KSR2: variants seen among roughly 807,000 people sequenced by gnomAD.
KSR2 encodes kinase suppressor of ras 2.
A neutral mutation model predicts 107.8 loss-of-function variants in KSR2; 25 were observed. The observed-to-expected ratio is 0.23, with a 90% CI of 0.17 to 0.32. The LOEUF (loss-of-function observed/expected upper bound fraction) is 0.32. Ranked by LOEUF, KSR2 falls within the 10% of genes least tolerant of loss-of-function variation. KSR2 has a pLI of 1.00. For missense variants in KSR2, 887 were observed against 1,268.9 expected, an observed-to-expected ratio of 0.70 and a Z score of 4.57; for synonymous variants, 480 against 507.0, an observed-to-expected ratio of 0.95 and a Z score of 0.71.
chr12:117,729,545 T>C, intron 4 of KSR2, among the ~76,000 whole-genome samples: 1 of 152,086 alleles, frequency 6.6e-6, no homozygotes, highest in East Asian at 1.9e-4. Context: ...CACAGTGTCA[T>C]TCACCTCCGT....
chr12:117,501,218 T>C (rs1450372327), intron 14 of KSR2, among the ~76,000 whole-genome samples: 1 of 152,254 alleles, frequency 6.6e-6, no homozygotes. Flanking sequence ...AGCCATACTT[T>C]TTGTCTGCAA....
chr12:117,537,064 T>C (rs1264811984), intron 10 of KSR2, among the ~76,000 whole-genome samples: 1 of 152,080 alleles, frequency 6.6e-6, no homozygotes, highest in Non-Finnish European at 1.5e-5. Context: ...AATACAAATA[T>C]TAGCTGAGTG....
chr12:117,722,607 G>A (rs1565979462), intron 4 of KSR2, among the ~76,000 whole-genome samples: 1 of 152,118 alleles, frequency 6.6e-6, no homozygotes, highest in African/African-American at 2.4e-5. Flanking sequence ...TACCCTATAT[G>A]GTCTAAAAAG....
At chr12:117,960,795 TC>T (rs1169366741) in intron 1 of KSR2, among the ~76,000 whole-genome samples, 3 of 148,190 alleles carry the variant, frequency 2.0e-5, no homozygotes, top group Non-Finnish European at 4.4e-5. Context: ...ATTTTCTTTT[TC>T]CTTTTTTTTT....
intron 4 of KSR2, among the ~76,000 whole-genome samples, chr12:117,729,601 C>T (rs1246635603): frequency 6.6e-6 from 1 of 152,110 alleles, no homozygotes; most frequent in Non-Finnish European, 1.5e-5. Flanking sequence ...ACGTTCACTC[C>T]GTAATGGGGA....
At chr12:117,708,797 C>T (rs1424583563) in intron 4 of KSR2, among the ~76,000 whole-genome samples, 1 of 152,184 alleles carries the variant, frequency 6.6e-6, no homozygotes, top group Non-Finnish European at 1.5e-5. Context: ...TGCATCATAG[C>T]TCGCGTTTTC....
At chr12:117,944,181 A>C (rs948126327) in intron 1 of KSR2, among the ~76,000 whole-genome samples, 1 of 152,042 alleles carries the variant, frequency 6.6e-6, no homozygotes, top group Non-Finnish European at 1.5e-5. Flanking sequence ...GTTTGAGACC[A>C]GCCTGACCAA....
In KSR2 at chr12:117,620,768, ATTC is replaced by A. The variant is rs772394934; in HGVS notation, c.1172-38412_1172-38410del. On this transcript the variant is annotated intron_variant, in intron 5 of 19. Coordinates refer to ENST00000339824, the MANE Select transcript of KSR2 (RefSeq NM_173598.6). ...AATAACCAATGTGTGGGTATTTATC[ATTC>A]TTCTTTTTTTCTGATTACGCCATTC... Among the ~76,000 whole-genome samples the A allele has an allele frequency of 3.1e-4, 47 of 152,232 alleles. 1 individual carries two copies. The highest frequency in any genetic ancestry group is 3.4e-3 in the Middle Eastern group (1 of 294).
intron 7 of KSR2, among the ~76,000 whole-genome samples, chr12:117,576,270 C>T (rs1879278936): frequency 6.6e-6 from 1 of 152,078 alleles, no homozygotes; most frequent in Admixed American, 6.6e-5. Context: ...GCCATTACCC[C>T]CACGGAATGT....
chr12:117,610,922 A>T (rs1013063194), intron 5 of KSR2, among the ~76,000 whole-genome samples: 1 of 152,152 alleles, frequency 6.6e-6, no homozygotes, highest in African/African-American at 2.4e-5. Flanking sequence ...CTCTAGTGAA[A>T]CTACTTCTGC....
chr12:117,571,680 C>T (rs999787255), intron 7 of KSR2, among the ~76,000 whole-genome samples: 3 of 152,106 alleles, frequency 2.0e-5, no homozygotes, highest in Non-Finnish European at 2.9e-5. Context: ...GAGGAGTGAG[C>T]GCTCCTTGGT....
intron 1 of KSR2, among the ~76,000 whole-genome samples, chr12:117,888,597 C>T (rs1168377686): frequency 6.6e-6 from 1 of 152,050 alleles, no homozygotes; most frequent in African/African-American, 2.4e-5. Context: ...AGGAAGAAAC[C>T]AGAACTTTCT....
In KSR2 at chr12:117,497,483, C is replaced by G. The variant is rs541383925; in HGVS notation, c.2220-11792G>C. Among the ~76,000 whole-genome samples the G allele has an allele frequency of 7.9e-5, 12 of 152,242 alleles. No individual in the cohort carries two copies. In the East Asian group the frequency reaches 2.1e-3, roughly 27 times the overall value. On this transcript the variant is annotated intron_variant, in intron 14 of 19. Coordinates refer to ENST00000339824, the MANE Select transcript of KSR2 (RefSeq NM_173598.6). ...TAATACTCCTTATCAAATCCCTCCA[C>G]GCAGGGCAGCATCATCATCCTGTTT...
chr12:117,832,170 G>C (rs939083204), intron 3 of KSR2, among the ~76,000 whole-genome samples: 34 of 152,278 alleles, frequency 2.2e-4, no homozygotes, highest in Middle Eastern at 3.4e-3. Context: ...TGTAATCCTA[G>C]CTACTGGGGA....
chr12:117,490,619 C>T (rs1872696292), intron 14 of KSR2, among the ~76,000 whole-genome samples: 2 of 152,190 alleles, frequency 1.3e-5, no homozygotes, highest in South Asian at 4.1e-4. Context: ...TGGTCTCAAA[C>T]TCCTGGGCTA....
At chr12:117,889,923 G>A (rs1438380331) in intron 1 of KSR2, among the ~76,000 whole-genome samples, 1 of 152,154 alleles carries the variant, frequency 6.6e-6, no homozygotes, top group Non-Finnish European at 1.5e-5. Flanking sequence ...TATCAGTAGT[G>A]CCAAGGTTGA....
At chr12:117,469,352 C>T (rs1269749082) in intron 19 of KSR2, among the ~76,000 whole-genome samples, 1 of 152,078 alleles carries the variant, frequency 6.6e-6, no homozygotes, top group Non-Finnish European at 1.5e-5. Flanking sequence ...GGGGGCTTGG[C>T]AGGTTCAGAC....
intron 1 of KSR2, among the ~76,000 whole-genome samples, chr12:117,952,984 CAAA>C (rs33941668): frequency 3.0e-5 from 3 of 100,820 alleles, no homozygotes; most frequent in Admixed American, 1.2e-4. Flanking sequence ...GACTCCATCT[CAAA>C]AAAAAAAAAA....
chr12:117,742,571 A>G (rs1888263573), intron 4 of KSR2, among the ~76,000 whole-genome samples: 1 of 139,526 alleles, frequency 7.2e-6, no homozygotes, highest in African/African-American at 2.5e-5. Flanking sequence ...CAGAGAGATG[A>G]ACAGACAGAT....
Sources: gnomAD v4.1 joint callset for allele counts (sites outside exome capture counted in the v4.1 genomes callset) on GRCh38, gnomAD v4.1.1 for gene constraint, MANE v1.5 for transcripts, NCBI Gene and HGNC (gene_info 2026-07-23, HGNC 2026-07-21) for gene names.